Variants in KIF13B observed in about 807,000 individuals in gnomAD.
The protein encoded by KIF13B is kinesin family member 13B, also known as kinesin-like protein KIF13B.
Under a neutral mutation model 222.0 loss-of-function variants are expected in KIF13B, and 127 were observed. That is an observed-to-expected ratio of 0.57 (90% CI 0.50 to 0.66). The LOEUF (loss-of-function observed/expected upper bound fraction) is 0.66. KIF13B is among the 30% of genes least tolerant of loss of function. The pLI is 0.00. For missense variants in KIF13B, 2,173 were observed against 2,379.0 expected (o/e 0.91, Z 1.80); for synonymous variants, 976 against 919.0 (o/e 1.06, Z -1.12).
In KIF13B at chr8:29,132,426, G is replaced by A. The variant is rs1333636217; in HGVS notation, c.2824C>T (p.Leu942Phe). The A allele has an allele frequency of 6.3e-7, 1 of 1,574,974 alleles. No individual in the cohort carries two copies. The highest frequency in any genetic ancestry group is 1.8e-5 in the Admixed American group (1 of 56,066). The change falls in exon 23 of 40, where the codon CTT becomes TTT. Residue 942 changes from leucine (L) to phenylalanine (F), a missense_variant. Around this residue, in one of 2 missense-constraint regions of KIF13B, gnomAD observed 1,480 missense variants for 1,722.8 expected, o/e 0.86. Transcript: ENST00000524189. ...TCAATTGCCAATGCTCCTTCGGAAAGATGCTCGATAAAGTCTTCGGTGATG... is the reference window on the plus strand; with the variant it reads ...TCAATTGCCAATGCTCCTTCGGAAAAATGCTCGATAAAGTCTTCGGTGATG... ...VNITEDFIEH[L>F]SEGALAIEVY...
At chr8:29,224,351 A>C (rs1305359915) in intron 2 of KIF13B, among the ~76,000 whole-genome samples, 1 of 152,318 alleles carries the variant, frequency 6.6e-6, no homozygotes, top group African/African-American at 2.4e-5. Flanking sequence ...AGTATTTAAT[A>C]AAAGAAGAGA....
chr8:29,089,325 G>A (rs951045571), intron 37 of KIF13B, among the ~76,000 whole-genome samples: 1 of 152,146 alleles, frequency 6.6e-6, no homozygotes, highest in African/African-American at 2.4e-5. Context: ...TGTAGTCCTA[G>A]CTCCTTGGGA....
chr8:29,188,434 A>T, intron 5 of KIF13B, 81 bp downstream of exon 5: 1 of 807,946 alleles, frequency 1.2e-6, no homozygotes, highest in Non-Finnish European at 2.0e-6. Flanking sequence ...ATAAATCAGC[A>T]ATGTTACTCA....
chr8:29,262,117 G>T (rs1816700183), intron 1 of KIF13B, among the ~76,000 whole-genome samples: 1 of 152,028 alleles, frequency 6.6e-6, no homozygotes, highest in Non-Finnish European at 1.5e-5. Flanking sequence ...CTTATTTAAA[G>T]CAACTCACCC....
chr8:29,182,003 G>C lies in KIF13B; in HGVS notation c.501C>G (p.Ser167Arg), dbSNP rs377611918. ...GCTCTCTGACTTTCAACGTCTGACG[G>C]CTTCTGTTCATGAAAAACAAAGAAA... is the stretch of plus-strand genomic sequence containing the variant. Reference protein sequence around the residue: ...KVRDLLDPKGSRQTLKVREHS... With the variant: ...KVRDLLDPKGRRQTLKVREHS... The change falls in exon 7 of 40, where the codon AGC (serine) becomes AGG (arginine). Residue 167 changes from serine (S) to arginine (R), a missense_variant. Ser to Arg is a moderately radical substitution (Grantham distance 110, BLOSUM62 -1). Coordinates refer to ENST00000524189, the MANE Select transcript of KIF13B (RefSeq NM_015254.4). 2 of 1,612,016 alleles carry C rather than the reference G, an allele frequency of 1.2e-6. No homozygotes were observed. The highest frequency in any genetic ancestry group is 1.7e-6 in the Non-Finnish European group (2 of 1,178,834).
At chr8:29,242,505 C>T (rs909544401) in intron 2 of KIF13B, among the ~76,000 whole-genome samples, 4 of 152,122 alleles carry the variant, frequency 2.6e-5, no homozygotes, top group Non-Finnish European at 4.4e-5. Context: ...TCCCAAGAAC[C>T]GATCTAGAAA....
At chr8:29,097,446 CA>C (rs1808584676) in intron 36 of KIF13B, among the ~76,000 whole-genome samples, 1 of 152,162 alleles carries the variant, frequency 6.6e-6, no homozygotes, top group Admixed American at 6.5e-5. Flanking sequence ...TCCACCAAAT[CA>C]GCAAAGATCC....
At chr8:29,205,676 T>C (rs1477560090) in intron 2 of KIF13B, among the ~76,000 whole-genome samples, 1 of 152,194 alleles carries the variant, frequency 6.6e-6, no homozygotes, top group African/African-American at 2.4e-5. Flanking sequence ...CTCGCAGCAG[T>C]AATGTCATTA....
At chr8:29,088,386 T>G (rs1445248789) in intron 37 of KIF13B, among the ~76,000 whole-genome samples, 1 of 152,258 alleles carries the variant, frequency 6.6e-6, no homozygotes, top group African/African-American at 2.4e-5. Context: ...TCTGCTAATC[T>G]AAACACCTTA....
At chr8:29,162,759 A>C (rs1429332339) in intron 12 of KIF13B, among the ~76,000 whole-genome samples, 5 of 152,222 alleles carry the variant, frequency 3.3e-5, no homozygotes, top group Admixed American at 2.6e-4. Context: ...AAAAATTACA[A>C]ATGTTTGTAA....
intron 1 of KIF13B, among the ~76,000 whole-genome samples, chr8:29,253,017 G>A (rs1227553225): frequency 6.6e-6 from 1 of 152,056 alleles, no homozygotes; most frequent in Admixed American, 6.5e-5. Context: ...CTCTAACATG[G>A]CTAACACAAG....
At chr8:29,225,984 T>C (rs1815003046) in intron 2 of KIF13B, among the ~76,000 whole-genome samples, 1 of 152,236 alleles carries the variant, frequency 6.6e-6, no homozygotes, top group African/African-American at 2.4e-5. Flanking sequence ...CTGCCTGGCA[T>C]ATAAGTAACT....
intron 15 of KIF13B, 72 bp from the exon 16 acceptor site, chr8:29,148,839 G>A (rs1563741770): frequency 1.6e-6 from 2 of 1,261,530 alleles, no homozygotes; most frequent in Non-Finnish European, 2.2e-6. Context: ...TTAAGTACTG[G>A]TATCTGTTAG....
chr8:29,198,309 GTTTTGTT>G (rs557820851), intron 2 of KIF13B, among the ~76,000 whole-genome samples: 122 of 151,154 alleles, frequency 8.1e-4, no homozygotes, highest in African/African-American at 2.0e-3. Context: ...TAGTATGCAT[GTTTTGTT>G]TTTTGTTTTT....
chr8:29,248,546 G>T (rs773629256), intron 1 of KIF13B, among the ~76,000 whole-genome samples: 7 of 152,128 alleles, frequency 4.6e-5, no homozygotes, highest in Admixed American at 2.0e-4. Flanking sequence ...AGCGAACAGG[G>T]TTTCCCCTTA....
At chr8:29,131,801 A>C (rs972988610) in intron 23 of KIF13B, among the ~76,000 whole-genome samples, 1 of 152,238 alleles carries the variant, frequency 6.6e-6, no homozygotes, top group African/African-American at 2.4e-5. Flanking sequence ...ACTTTCTTCC[A>C]TTATTCTCTG....
intron 29 of KIF13B, 50 bp from the exon 30 acceptor site, chr8:29,119,042 C>T: frequency 3.2e-6 from 5 of 1,556,300 alleles, no homozygotes; most frequent in Non-Finnish European, 3.5e-6. Flanking sequence ...TCAAGGATAA[C>T]CCCTACCAGC....
chr8:29,197,336 C>CAAAAAAAAAAAAAAAAAA (rs71222598), intron 2 of KIF13B, among the ~76,000 whole-genome samples: 5 of 57,768 alleles, frequency 8.7e-5, no homozygotes, highest in Admixed American at 2.3e-4. Flanking sequence ...GACTCCGTCT[C>CAAAAAAAAAAAAAAAAAA]AAAAAAAAAA....
intron 36 of KIF13B, among the ~76,000 whole-genome samples, chr8:29,094,870 A>G (rs543028803): frequency 6.6e-6 from 1 of 152,236 alleles, no homozygotes; most frequent in East Asian, 1.9e-4. Context: ...CTAGAACTGA[A>G]AAAAAAACAA....
Sources: gnomAD v4.1 joint callset for allele counts (sites outside exome capture counted in the v4.1 genomes callset) on GRCh38, gnomAD v4.1.1 for gene constraint, gnomAD v4.1.1 regional missense constraint, MANE v1.5 for transcripts, NCBI Gene and HGNC (gene_info 2026-07-23, HGNC 2026-07-21) for gene names.